The following AFAP1L1 variants were observed in gnomAD, a reference collection of about 807,000 sequenced individuals.
AFAP1L1 encodes the protein actin filament associated protein 1 like 1.
Under a neutral mutation model 99.8 loss-of-function variants are expected in AFAP1L1, and 77 were observed. The observed-to-expected ratio is 0.77, with a 90% CI of 0.64 to 0.93. The LOEUF (loss-of-function observed/expected upper bound fraction) is 0.93, where lower values mean the gene tolerates loss of function less well. Ranked by LOEUF, AFAP1L1 falls within the 40% of genes least tolerant of loss-of-function variation. The probability of loss-of-function intolerance (pLI) is 0.00; values close to 1 mark genes in which losing one functional copy is unlikely to be tolerated. For missense variants in AFAP1L1, 893 were observed against 996.8 expected, an observed-to-expected ratio of 0.90 and a Z score of 1.40; for synonymous variants, 373 against 395.3, an observed-to-expected ratio of 0.94 and a Z score of 0.67.
At position 149,317,935 on chromosome 5, in the gene AFAP1L1, T is replaced by C. The variant is rs1210040760; in HGVS notation, c.1474T>C (p.Leu492=). 1.3e-6 allele frequency: 2 copies of C among 1,568,434 alleles called. No homozygotes were observed. Among genetic ancestry groups the C allele is most frequent in the African/African-American group, 1.4e-5 (1 of 73,780 alleles). ...GCGCAACCGGCAGGAGGTGGCCATC[T>C]TGGAGGTGAGAGGAGAGGGTGGGAC... is the stretch of plus-strand genomic sequence containing the variant. ...ILRNRQEVAI[L]EASCSEDMGR... Residue 492 remains leucine, a synonymous_variant, in exon 12 of 19, where the codon TTG becomes CTG. Transcript: ENST00000296721.
intron 10 of AFAP1L1, 74 bp downstream of exon 10, chr5:149,315,988 A>G (rs1158080638): frequency 6.3e-7 from 1 of 1,597,518 alleles, no homozygotes; most frequent in Non-Finnish European, 8.6e-7. Context: ...ACACAGCGGC[A>G]GAGCAGGTTC....
intron 12 of AFAP1L1, among the ~76,000 whole-genome samples, chr5:149,318,873 G>C (rs566517376): frequency 2.6e-4 from 40 of 152,300 alleles, no homozygotes; most frequent in African/African-American, 9.1e-4. Context: ...TCTTGTCCTA[G>C]AATCTGACCT....
chr5:149,288,015 T>C (rs1261746573), intron 1 of AFAP1L1, among the ~76,000 whole-genome samples: 6 of 152,212 alleles, frequency 3.9e-5, no homozygotes, highest in Non-Finnish European at 2.9e-5. Context: ...ATACCCCTAG[T>C]CAGAGGCTTT....
At chr5:149,307,196 G>A (rs1207771989) in intron 6 of AFAP1L1, among the ~76,000 whole-genome samples, 1 of 152,016 alleles carries the variant, frequency 6.6e-6, no homozygotes, top group Non-Finnish European at 1.5e-5. Flanking sequence ...GCAGCGAGCC[G>A]AGATCACGCC....
chr5:149,310,646 A>C (rs1288768599), intron 8 of AFAP1L1, among the ~76,000 whole-genome samples: 2 of 152,228 alleles, frequency 1.3e-5, no homozygotes, highest in Non-Finnish European at 2.9e-5. Flanking sequence ...ACGTGACCTC[A>C]TTTCTGCTTG....
At chr5:149,333,811 G>A (rs1474755525) in intron 17 of AFAP1L1, among the ~76,000 whole-genome samples, 1 of 152,196 alleles carries the variant, frequency 6.6e-6, no homozygotes, top group Non-Finnish European at 1.5e-5. Flanking sequence ...ATTGCCAGAT[G>A]TCCCTCGGGA....
chr5:149,301,207 G>T lies in AFAP1L1; in HGVS notation c.304G>T (p.Ala102Ser). 6.2e-7 allele frequency: 1 copy of T among 1,614,040 alleles called. No homozygotes were observed. The highest frequency in any genetic ancestry group is 8.5e-7 in the Non-Finnish European group (1 of 1,179,964). Reference protein sequence around the residue: ...EPSKGASPELAKSPRLRNAAD... With the variant: ...EPSKGASPELSKSPRLRNAAD... Reference sequence around the variant, plus strand: ...CAGCAAAGGAGCCAGCCCTGAGCTAGCCAAGAGCCCACGCCTGAGAAACGT... The same window carrying T: ...CAGCAAAGGAGCCAGCCCTGAGCTATCCAAGAGCCCACGCCTGAGAAACGT... The change falls in exon 4 of 19, where the codon GCC (alanine) becomes TCC (serine). Residue 102 changes from alanine to serine, a missense_variant. Ala to Ser is a moderately conservative substitution (Grantham distance 99). Transcript: ENST00000296721.
chr5:149,311,472 TC>T (rs1285630904), intron 8 of AFAP1L1, among the ~76,000 whole-genome samples: 1 of 152,220 alleles, frequency 6.6e-6, no homozygotes, highest in Non-Finnish European at 1.5e-5. Flanking sequence ...TCTGCGAGGC[TC>T]ATCATCTTAA....
intron 18 of AFAP1L1, among the ~76,000 whole-genome samples, chr5:149,336,949 CA>C: frequency 6.6e-6 from 1 of 152,234 alleles, no homozygotes; most frequent in South Asian, 2.1e-4. Flanking sequence ...GGCAGCAGCA[CA>C]GAATGTCTGA....
At chr5:149,312,278 T>A in intron 9 of AFAP1L1, 74 bp downstream of exon 9, 1 of 1,468,544 alleles carries the variant, frequency 6.8e-7, no homozygotes, top group African/African-American at 1.4e-5. Context: ...CCAGGGGAAC[T>A]AACTGGCTGG....
intron 17 of AFAP1L1, 152 bp from the exon 18 acceptor site, chr5:149,335,442 C>T (rs1757378364): frequency 1.0e-6 from 1 of 971,804 alleles, no homozygotes; most frequent in Non-Finnish European, 1.5e-6. Context: ...GAGCCAAGCT[C>T]GTGCCACTGC....
chr5:149,301,818 C>A (rs1756225967), intron 4 of AFAP1L1, among the ~76,000 whole-genome samples: 1 of 152,250 alleles, frequency 6.6e-6, no homozygotes, highest in South Asian at 2.1e-4. Context: ...TCATCACCAG[C>A]AACAGTACCA....
intron 9 of AFAP1L1, 87 bp downstream of exon 9, chr5:149,312,291 G>A: frequency 7.4e-7 from 1 of 1,347,848 alleles, no homozygotes; most frequent in East Asian, 2.3e-5. Context: ...CTGGCTGGGG[G>A]GAAAGTCAGG....
At chr5:149,334,704 G>T (rs1757352278) in intron 17 of AFAP1L1, among the ~76,000 whole-genome samples, 1 of 152,056 alleles carries the variant, frequency 6.6e-6, no homozygotes, top group Non-Finnish European at 1.5e-5. Flanking sequence ...TTGAGGCCAG[G>T]AGTTCGAAAC....
chr5:149,280,697 C>T (rs756966042), intron 1 of AFAP1L1, among the ~76,000 whole-genome samples: 46 of 152,158 alleles, frequency 3.0e-4, no homozygotes, highest in Non-Finnish European at 5.1e-4. Flanking sequence ...CTTTAAAAAG[C>T]CATGCAAATT....
At chr5:149,299,962 C>T (rs1022814020) in intron 2 of AFAP1L1, among the ~76,000 whole-genome samples, 2 of 151,988 alleles carry the variant, frequency 1.3e-5, no homozygotes, top group Admixed American at 6.6e-5. Context: ...CACTGACCTA[C>T]AACACACACA....
chr5:149,307,818 TTCTCTC>T lies in AFAP1L1; in HGVS notation c.747+239_747+244del, dbSNP rs70973517. Among the ~76,000 whole-genome samples, 341 of 100,564 alleles carry T rather than the reference TTCTCTC, an allele frequency of 3.4e-3. 3 individuals are homozygous for T. Among genetic ancestry groups the T allele is most frequent in the African/African-American group, 7.6e-3 (193 of 25,374 alleles). 66.0% of individuals were successfully genotyped at this position (100,564 alleles called of 152,430 possible). On this transcript the variant is annotated intron_variant, in intron 7 of 18. Coordinates refer to ENST00000296721, the MANE Select transcript of AFAP1L1 (RefSeq NM_152406.4). ...ACACACACACACCCTGTGCCTCTCT[TTCTCTC>T]TCTCTCTCTCTCTCTCTCTCTCTCT...
At chr5:149,326,583 T>A (rs1184122713) in intron 15 of AFAP1L1, among the ~76,000 whole-genome samples, 6 of 149,650 alleles carry the variant, frequency 4.0e-5, no homozygotes, top group Non-Finnish European at 8.9e-5. Flanking sequence ...TATATATATA[T>A]TTAAAAAGAA....
Position 149,288,627 on chromosome 5 carries a change from C to T in AFAP1L1, c.17-10882C>T, listed in dbSNP as rs1440737118. On this transcript the variant is annotated intron_variant, in intron 1 of 18. Coordinates refer to ENST00000296721, the MANE Select transcript of AFAP1L1 (RefSeq NM_152406.4). Reference sequence around the variant, plus strand: ...CACAGTTTTCCACTTCCTCCTGGACCCATTTCCTTTGTGAGCTCAACAGGG... The same window carrying T: ...CACAGTTTTCCACTTCCTCCTGGACTCATTTCCTTTGTGAGCTCAACAGGG... Among the ~76,000 whole-genome samples the T allele has an allele frequency of 3.9e-5, 6 of 152,270 alleles. No individual in the cohort carries two copies. In the East Asian group the frequency reaches 9.7e-4, roughly 25 times the overall value.
Sources: allele counts gnomAD v4.1 joint callset (sites outside exome capture counted in the v4.1 genomes callset), GRCh38; gene constraint gnomAD v4.1.1; transcripts MANE v1.5; gene names NCBI Gene and HGNC (gene_info 2026-07-23, HGNC 2026-07-21).